KCNJ6: variants seen among roughly 807,000 people sequenced by gnomAD.
The protein encoded by KCNJ6 is G protein-activated inward rectifier potassium channel 2.
Under a neutral mutation model 34.2 loss-of-function variants are expected in KCNJ6, and 9 were observed. The observed-to-expected ratio is 0.26, with a 90% confidence interval of 0.16 to 0.46. The LOEUF (loss-of-function observed/expected upper bound fraction) is 0.46. KCNJ6 is among the 20% of genes least tolerant of loss of function. The pLI, the probability that KCNJ6 is intolerant of heterozygous loss-of-function variation, is 1.00. For synonymous variants in KCNJ6, 196 were observed against 207.1 expected (o/e 0.95, Z 0.46); for missense variants, 236 against 531.3 (o/e 0.44, Z 5.46).
chr21:37,697,132 G>A (rs1294557202), intron 3 of KCNJ6, among the ~76,000 whole-genome samples: 4 of 152,258 alleles, frequency 2.6e-5, no homozygotes, highest in East Asian at 3.9e-4. Context: ...AGGAGGGAGC[G>A]AGAAGACCAT....
intron 2 of KCNJ6, among the ~76,000 whole-genome samples, chr21:37,776,773 T>A (rs1160515992): frequency 6.6e-6 from 1 of 152,070 alleles, no homozygotes; most frequent in Non-Finnish European, 1.5e-5. Context: ...AGGATTTTTG[T>A]ATCGATGTTC....
At chr21:37,745,644 A>G (rs2054964117) in intron 2 of KCNJ6, among the ~76,000 whole-genome samples, 1 of 152,232 alleles carries the variant, frequency 6.6e-6, no homozygotes, top group Non-Finnish European at 1.5e-5. Context: ...ATCAATTTTC[A>G]GTAATTTGTT....
At position 37,617,148 on chromosome 21, in the gene KCNJ6, CTTCCTTCT is replaced by C. The variant is rs1174789230; in HGVS notation, c.*8003_*8010del. On this transcript the variant is annotated 3_prime_UTR_variant, in exon 4 of 4. Coordinates refer to ENST00000609713, the MANE Select transcript of KCNJ6 (RefSeq NM_002240.5). ...CCTTCCTTCTTTCTTTCCTTCCTTC[CTTCCTTCT>C]TTCTTTATCTTTTTTCCTTCCTTCC... The C allele has an allele frequency of 7.4e-6, 1 of 135,426 alleles. No individual in the cohort carries two copies. The highest frequency in any genetic ancestry group is 2.8e-5 in the African/African-American group (1 of 35,790). 8.4% of individuals were successfully genotyped at this position (135,426 alleles called of 1,614,324 possible). A position where few individuals can be genotyped will look rare whatever the true frequency, so the allele number is the denominator to read the frequency against.
chr21:37,727,140 GA>G (rs1195042868), intron 2 of KCNJ6, among the ~76,000 whole-genome samples: 1 of 152,194 alleles, frequency 6.6e-6, no homozygotes, highest in Non-Finnish European at 1.5e-5. Context: ...AAGAGGCAAG[GA>G]AAGATTCTCC....
At chr21:37,667,551 G>A (rs1438104493) in intron 3 of KCNJ6, among the ~76,000 whole-genome samples, 2 of 149,968 alleles carry the variant, frequency 1.3e-5, no homozygotes, top group Non-Finnish European at 3.0e-5. Flanking sequence ...GGTAGCGGGC[G>A]CCGGGGTAGC....
intron 1 of KCNJ6, among the ~76,000 whole-genome samples, chr21:37,868,994 AC>A (rs1266498153): frequency 2.6e-5 from 4 of 152,262 alleles, no homozygotes; most frequent in Admixed American, 6.5e-5. Flanking sequence ...GTGATGGAGC[AC>A]CCATTGCCTG....
chr21:37,656,634 C>T (rs1291365674), intron 3 of KCNJ6, among the ~76,000 whole-genome samples: 1 of 152,178 alleles, frequency 6.6e-6, no homozygotes, highest in Non-Finnish European at 1.5e-5. Context: ...TGGCATGGGA[C>T]ACAAGGGCGA....
rs1367841725 is a variant in KCNJ6, at chr21:37,613,091, C to A, written c.*12068G>T. On this transcript the variant is annotated 3_prime_UTR_variant, in exon 4 of 4. Transcript: ENST00000609713. ...TTTACAAAGAACTTTAACAAATCAA[C>A]AATAAGAAAACAACCCGATTTAAAA... is the stretch of plus-strand genomic sequence containing the variant. 6.8e-6 allele frequency: 1 copy of A among 147,790 alleles called. No individual in the cohort carries two copies. Among genetic ancestry groups the A allele is most frequent in the Non-Finnish European group, 1.5e-5 (1 of 66,806 alleles). The allele number at this position is 147,790 out of a possible 1,614,324, so 9.2% of individuals were successfully genotyped here.
chr21:37,902,588 T>C (rs2055822072), intron 1 of KCNJ6, among the ~76,000 whole-genome samples: 1 of 152,220 alleles, frequency 6.6e-6, no homozygotes, highest in East Asian at 1.9e-4. Flanking sequence ...TCAAATATCA[T>C]ATATTGAATG....
intron 2 of KCNJ6, among the ~76,000 whole-genome samples, chr21:37,801,160 T>A (rs1044633201): frequency 6.6e-6 from 1 of 152,206 alleles, no homozygotes; most frequent in Non-Finnish European, 1.5e-5. Context: ...TTGGCCTCAG[T>A]TTCCTGGATA....
chr21:37,838,410 C>T (rs2836013), intron 2 of KCNJ6, among the ~76,000 whole-genome samples: 40,579 of 152,140 alleles, frequency 0.27, 6,466 homozygotes, highest in South Asian at 0.39. Context: ...TATCCATTTC[C>T]AACAGAAGGA....
chr21:37,864,317 G>A (rs1424399750), intron 1 of KCNJ6, among the ~76,000 whole-genome samples: 1 of 152,000 alleles, frequency 6.6e-6, no homozygotes, highest in Non-Finnish European at 1.5e-5. Flanking sequence ...TCACGTGTTG[G>A]CCAGGGTGGT....
At chr21:37,700,387 A>G (rs552457170) in intron 3 of KCNJ6, among the ~76,000 whole-genome samples, 1 of 152,308 alleles carries the variant, frequency 6.6e-6, no homozygotes, top group East Asian at 1.9e-4. Flanking sequence ...TCTGCAGCCT[A>G]TGGAGGTAGT....
At chr21:37,648,619 G>A (rs144995685) in intron 3 of KCNJ6, among the ~76,000 whole-genome samples, 56 of 152,208 alleles carry the variant, frequency 3.7e-4, no homozygotes, top group African/African-American at 1.3e-3. Flanking sequence ...TTGCCAATAG[G>A]TGCAAGTTTA....
At chr21:37,785,203 G>A (rs548415663) in intron 2 of KCNJ6, among the ~76,000 whole-genome samples, 102 of 152,316 alleles carry the variant, frequency 6.7e-4, no homozygotes, top group African/African-American at 2.3e-3. Context: ...GGCCCATGAG[G>A]ATGAGAACCT....
At position 37,614,560 on chromosome 21, in the gene KCNJ6, G is replaced by C. The variant is rs62221581; in HGVS notation, c.*10599C>G. ...TCTGTGTATGCGTGTGTGTGTATGC[G>C]TGTGTGTATGCATGTGTCTCTGTAT... On this transcript the variant is annotated 3_prime_UTR_variant, in exon 4 of 4. Transcript: ENST00000609713. 1,288 of 146,508 alleles carry C rather than the reference G, an allele frequency of 8.8e-3. 17 individuals are homozygous for C. Among genetic ancestry groups the C allele is most frequent in the Non-Finnish European group, 0.014 (962 of 66,856 alleles). 9.1% of individuals were successfully genotyped at this position (146,508 alleles called of 1,614,324 possible). A position where few individuals can be genotyped will look rare whatever the true frequency, so the allele number is the denominator to read the frequency against.
chr21:37,767,380 G>A (rs1282617572), intron 2 of KCNJ6, among the ~76,000 whole-genome samples: 3 of 152,192 alleles, frequency 2.0e-5, no homozygotes, highest in Non-Finnish European at 4.4e-5. Flanking sequence ...ATTGTGGTAC[G>A]TAGGATCTGC....
chr21:37,852,833 T>C lies in KCNJ6; in HGVS notation c.-27-12124A>G, dbSNP rs551922596. Among the ~76,000 whole-genome samples the C allele has an allele frequency of 3.9e-5, 6 of 152,222 alleles. No individual in the cohort carries two copies. The East Asian group carries it at 7.7e-4, about 20-fold the overall frequency. On this transcript the variant is annotated intron_variant, in intron 1 of 3. Coordinates refer to ENST00000609713, the MANE Select transcript of KCNJ6 (RefSeq NM_002240.5). The stretch of plus-strand genomic sequence containing the variant: ...AGCCTCAGCAAAAAATCAGCACTTA[T>C]GGAGAAGAACTGGAAAAAAATTCAG...
At chr21:37,647,460 C>G (rs551761948) in intron 3 of KCNJ6, among the ~76,000 whole-genome samples, 4 of 152,150 alleles carry the variant, frequency 2.6e-5, no homozygotes, top group Non-Finnish European at 5.9e-5. Context: ...GCTGTGCTGA[C>G]CCAATTGCCA....
Sources: gnomAD v4.1 joint callset for allele counts (sites outside exome capture counted in the v4.1 genomes callset) on GRCh38, gnomAD v4.1.1 for gene constraint, MANE v1.5 for transcripts, NCBI Gene and HGNC (gene_info 2026-07-23, HGNC 2026-07-21) for gene names.